The following MATN2 variants were observed in gnomAD, a reference collection of about 807,000 sequenced individuals.
MATN2 encodes matrilin 2, also known as matrilin-2.
Under a neutral mutation model 103.2 loss-of-function variants are expected in MATN2, and 69 were observed. That is an observed-to-expected ratio of 0.67 (90% confidence interval 0.55 to 0.82). The LOEUF is 0.82. Among genes scored for constraint, MATN2 ranks in the 40% least tolerant of loss-of-function variants. MATN2 has a pLI of 0.00. For synonymous variants in MATN2, 429 were observed against 450.2 expected, an observed-to-expected ratio of 0.95 and a Z score of 0.60; for missense variants, 1,023 against 1,211.5, an observed-to-expected ratio of 0.84 and a Z score of 2.31.
At chr8:97,912,985 A>T (rs573615488) in intron 2 of MATN2, among the ~76,000 whole-genome samples, 83 of 152,288 alleles carry the variant, frequency 5.5e-4, no homozygotes, top group African/African-American at 1.7e-3. Context: ...AGGGACCACC[A>T]CGCAAGAGCA....
chr8:97,903,355 A>G (rs934686374), intron 2 of MATN2, among the ~76,000 whole-genome samples: 2 of 152,192 alleles, frequency 1.3e-5, no homozygotes, highest in Non-Finnish European at 2.9e-5. Context: ...CCTGAATGAC[A>G]AGATCATATT....
chr8:97,907,815 A>G (rs971709465), intron 2 of MATN2, among the ~76,000 whole-genome samples: 4 of 152,328 alleles, frequency 2.6e-5, no homozygotes, highest in Admixed American at 6.5e-5. Context: ...GGCACAGAGG[A>G]AGCATTTCAT....
intron 3 of MATN2, among the ~76,000 whole-genome samples, chr8:97,936,976 T>G (rs1159144253): frequency 6.6e-6 from 1 of 152,190 alleles, no homozygotes; most frequent in East Asian, 1.9e-4. Context: ...CATTATATTA[T>G]CCATGGAAAT....
At chr8:97,975,939 G>A (rs1056519622) in intron 5 of MATN2, among the ~76,000 whole-genome samples, 5 of 152,116 alleles carry the variant, frequency 3.3e-5, no homozygotes, top group Non-Finnish European at 4.4e-5. Context: ...AGAAGGATGT[G>A]GTGCTAGCTC....
intron 2 of MATN2, among the ~76,000 whole-genome samples, chr8:97,890,923 T>G (rs1818606142): frequency 6.6e-6 from 1 of 152,216 alleles, no homozygotes; most frequent in African/African-American, 2.4e-5. Flanking sequence ...ATGTTTAAAT[T>G]CAGGTCAGAG....
chr8:97,996,937 G>T (rs1482388363), intron 7 of MATN2, among the ~76,000 whole-genome samples: 5 of 152,186 alleles, frequency 3.3e-5, no homozygotes, highest in Admixed American at 3.3e-4. Flanking sequence ...AAAGGAATTT[G>T]ATGTCATCGA....
At chr8:97,893,339 A>G (rs1818697028) in intron 2 of MATN2, among the ~76,000 whole-genome samples, 1 of 152,046 alleles carries the variant, frequency 6.6e-6, no homozygotes, top group Non-Finnish European at 1.5e-5. Context: ...TATCAGTGGC[A>G]CCCATCCCCT....
Position 98,021,245 on chromosome 8 carries a change from C to T in MATN2, c.1860C>T (p.His620=). Residue 620 remains histidine, a synonymous_variant, in exon 13 of 19, where the codon CAC becomes CAT. Coordinates refer to ENST00000254898, the MANE Select transcript of MATN2 (RefSeq NM_002380.5). ...AATCAACCCACCATGGCTGCGAACA[C>T]ATTTGTGTTAATAATGGGAATTCCT... is the stretch of plus-strand genomic sequence containing the variant. ...VCKSTHHGCE[H]ICVNNGNSYI... 1.2e-6 allele frequency: 2 copies of T among 1,613,734 alleles called. No homozygotes were observed. Among genetic ancestry groups the T allele is most frequent in the African/African-American group, 1.3e-5 (1 of 75,022 alleles).
intron 2 of MATN2, among the ~76,000 whole-genome samples, chr8:97,907,666 C>T (rs1406108658): frequency 6.6e-6 from 1 of 152,062 alleles, no homozygotes; most frequent in Non-Finnish European, 1.5e-5. Flanking sequence ...CTCCACTGTG[C>T]AACCATGAAT....
At chr8:97,916,061 ATTTTATTTTATTTT>A (rs1440069362) in intron 2 of MATN2, among the ~76,000 whole-genome samples, 1 of 149,974 alleles carries the variant, frequency 6.7e-6, no homozygotes, top group East Asian at 1.9e-4. Context: ...ATTTTATTTT[ATTTTATTTTATTTT>A]ATTTTATTTT....
intron 1 of MATN2, among the ~76,000 whole-genome samples, chr8:97,884,668 G>A (rs1200215084): frequency 2.0e-5 from 3 of 152,004 alleles, no homozygotes; most frequent in South Asian, 2.1e-4. Context: ...CTACTGGGGC[G>A]GCTGAGGCAT....
At chr8:97,915,730 G>C (rs908679128) in intron 2 of MATN2, among the ~76,000 whole-genome samples, 7 of 152,226 alleles carry the variant, frequency 4.6e-5, no homozygotes, top group African/African-American at 7.2e-5. Context: ...TTCAGTTAAA[G>C]TGCCCCTGTG....
intron 1 of MATN2, among the ~76,000 whole-genome samples, chr8:97,875,632 A>G (rs935928019): frequency 6.7e-6 from 1 of 148,574 alleles, no homozygotes; most frequent in Non-Finnish European, 1.5e-5. Flanking sequence ...TGTCTGCTTT[A>G]TCTTACTTTA....
rs577486329 is a variant in MATN2 at position 98,026,343 on chromosome 8, T to C, written c.1943-1073T>C. The stretch of plus-strand genomic sequence containing the variant: ...GGCACAATCATAGCTTACTGCAACC[T>C]GTAATTCTTGGGCTCCGGTAATCTT... On this transcript the variant is annotated intron_variant, in intron 13 of 18. Coordinates refer to ENST00000254898, the MANE Select transcript of MATN2 (RefSeq NM_002380.5). Among the ~76,000 whole-genome samples the C allele has an allele frequency of 4.6e-5, 7 of 151,930 alleles. No individual in the cohort carries two copies. The East Asian group carries it at 1.2e-3, about 25-fold the overall frequency.
chr8:97,987,454 A>G (rs1157540471), intron 6 of MATN2, among the ~76,000 whole-genome samples: 3 of 152,020 alleles, frequency 2.0e-5, no homozygotes, highest in Non-Finnish European at 4.4e-5. Context: ...AAGTTGAAGG[A>G]AAAAAAAGTG....
intron 2 of MATN2, among the ~76,000 whole-genome samples, chr8:97,922,231 T>C (rs571919188): frequency 4.6e-5 from 7 of 152,324 alleles, no homozygotes; most frequent in African/African-American, 7.2e-5. Flanking sequence ...TATATTCTTA[T>C]AGTGGAGGAT....
At chr8:98,011,718 C>T (rs1813167186) in intron 10 of MATN2, among the ~76,000 whole-genome samples, 1 of 152,212 alleles carries the variant, frequency 6.6e-6, no homozygotes, top group South Asian at 2.1e-4. Flanking sequence ...CTGTGGCTTT[C>T]TCTCTCTGGG....
At chr8:97,875,995 G>A (rs1370895764) in intron 1 of MATN2, among the ~76,000 whole-genome samples, 4 of 149,478 alleles carry the variant, frequency 2.7e-5, no homozygotes, top group Admixed American at 6.7e-5. Flanking sequence ...GCGCCTGGCC[G>A]AGTATTTGCC....
Position 97,941,644 on chromosome 8 carries a change from G to A in MATN2, c.713-133G>A, listed in dbSNP as rs1056464191. 1.1e-5 allele frequency: 10 copies of A among 942,832 alleles called. No individual in the cohort carries two copies. In the Admixed American group the frequency reaches 1.8e-4, roughly 17 times the overall value. 58.4% of individuals were successfully genotyped at this position (942,832 alleles called of 1,614,324 possible). ...CACCTTGGACTGTGAGCCCCCTTGA[G>A]GGTAGGGACTGCAGCTTATTTCTCT... On this transcript the variant is annotated intron_variant, in intron 3 of 18. Coordinates refer to ENST00000254898, the MANE Select transcript of MATN2 (RefSeq NM_002380.5).
Sources: allele counts gnomAD v4.1 joint callset (sites outside exome capture counted in the v4.1 genomes callset), GRCh38; gene constraint gnomAD v4.1.1; transcripts MANE v1.5; gene names NCBI Gene and HGNC (gene_info 2026-07-23, HGNC 2026-07-21).